CSNK1A1: variants seen among roughly 807,000 people sequenced by gnomAD.
The protein encoded by CSNK1A1 is casein kinase I isoform alpha.
A neutral mutation model predicts 46.1 loss-of-function variants in CSNK1A1; 7 were observed. The ratio of observed to expected loss-of-function variants is 0.15; its 90% CI spans 0.09 to 0.29. The LOEUF (loss-of-function observed/expected upper bound fraction) is 0.29. Ranked by LOEUF, CSNK1A1 falls within the 10% of genes least tolerant of loss-of-function variation. The pLI, the probability that CSNK1A1 is intolerant of heterozygous loss-of-function variation, is 1.00. For synonymous variants in CSNK1A1, 137 were observed against 141.5 expected, an observed-to-expected ratio of 0.97 and a Z score of 0.23; for missense variants, 96 against 417.1, an observed-to-expected ratio of 0.23 and a Z score of 6.71.
chr5:149,498,864 T>C lies in CSNK1A1; in HGVS notation c.1007-2004A>G, dbSNP rs567212438. 7 of 985,420 alleles carry C rather than the reference T, an allele frequency of 7.1e-6. No individual in the cohort carries two copies. In the Admixed American group the frequency reaches 1.8e-4, roughly 26 times the overall value. 61.0% of individuals were successfully genotyped at this position (985,420 alleles called of 1,614,324 possible). ...TACAAGGAAACTCTTGTGCCTTTAA[T>C]AGCAAGAAAACTTCAGAATGTATCT... On this transcript the variant is annotated intron_variant, in intron 9 of 9. Coordinates refer to ENST00000377843, the MANE Select transcript of CSNK1A1 (RefSeq NM_001892.6).
chr5:149,503,963 G>A (rs1760952005), intron 9 of CSNK1A1: 2 of 985,260 alleles, frequency 2.0e-6, no homozygotes, highest in Non-Finnish European at 2.4e-6. Flanking sequence ...TAGGTTGTCA[G>A]GTGTAACAAG....
intron 4 of CSNK1A1, among the ~76,000 whole-genome samples, chr5:149,513,673 G>A (rs1761306112): frequency 6.6e-6 from 1 of 152,146 alleles, no homozygotes; most frequent in African/African-American, 2.4e-5. Flanking sequence ...GCTGAGGCAG[G>A]CGGATAACTT....
rs1761709745 is a variant in CSNK1A1, at chr5:149,525,748, T to G, written c.231-577A>C. On this transcript the variant is annotated intron_variant, in intron 2 of 9. Coordinates refer to ENST00000377843, the MANE Select transcript of CSNK1A1 (RefSeq NM_001892.6). This position sits in a 1 kb window ranked among gnomAD's most constrained non-coding sequence, Gnocchi z 4.2. ...TTTAACTGGAATCATGTTTTAATTA[T>G]CCTGGGCTGTATTACTGTATACAAT... 6.6e-6 allele frequency among the ~76,000 whole-genome samples: 1 copy of G among 152,240 alleles called. No homozygotes were observed. The highest frequency in any genetic ancestry group is 1.5e-5 in the Non-Finnish European group (1 of 68,040).
At chr5:149,501,808 C>T in intron 9 of CSNK1A1, 1 of 978,738 alleles carries the variant, frequency 1.0e-6, no homozygotes, top group Non-Finnish European at 1.2e-6. Context: ...TTTTCCTTTA[C>T]TTATTTTTAA....
intron 2 of CSNK1A1, among the ~76,000 whole-genome samples, chr5:149,542,593 TA>T (rs1265560663): frequency 0.1 from 192 of 1,916 alleles, 28 homozygotes; most frequent in South Asian, 0.26. Context: ...GATACAAATT[TA>T]TATATATATA....
chr5:149,497,286 G>C, intron 9 of CSNK1A1: 1 of 990,686 alleles, frequency 1.0e-6, no homozygotes, highest in Non-Finnish European at 1.2e-6. Flanking sequence ...AATTAAAACG[G>C]TTAGCTTTAA....
chr5:149,504,006 T>C (rs1760952820), intron 9 of CSNK1A1: 2 of 985,348 alleles, frequency 2.0e-6, no homozygotes, highest in Non-Finnish European at 1.2e-6. Flanking sequence ...TGGTCTTACC[T>C]AAAATGGTAG....
intron 2 of CSNK1A1, among the ~76,000 whole-genome samples, chr5:149,539,102 G>A (rs1272536324): frequency 6.6e-6 from 1 of 152,244 alleles, no homozygotes; most frequent in African/African-American, 2.4e-5. Context: ...CATGTGAAGA[G>A]GTAAATGGTT....
intron 3 of CSNK1A1, among the ~76,000 whole-genome samples, chr5:149,522,492 C>T (rs1761603464): frequency 6.6e-6 from 1 of 152,220 alleles, no homozygotes; most frequent in South Asian, 2.1e-4. Flanking sequence ...CATTATCTTT[C>T]TGTCCATATG....
chr5:149,501,443 C>G (rs2113053388), intron 9 of CSNK1A1: 1 of 985,408 alleles, frequency 1.0e-6, no homozygotes. Flanking sequence ...AATTGGTGAA[C>G]TCAGAAAAAG....
At chr5:149,502,382 C>T (rs933403889) in intron 9 of CSNK1A1, 36 of 898,694 alleles carry the variant, frequency 4.0e-5, no homozygotes, top group South Asian at 5.1e-5. Context: ...CATCTGTTGC[C>T]CAGGCTGGAG....
At chr5:149,536,201 C>T (rs1361114724) in intron 2 of CSNK1A1, among the ~76,000 whole-genome samples, 2 of 152,172 alleles carry the variant, frequency 1.3e-5, no homozygotes, top group Non-Finnish European at 2.9e-5. Context: ...GATTCGCCCA[C>T]CTCGGCCTCC....
intron 4 of CSNK1A1, among the ~76,000 whole-genome samples, chr5:149,513,899 TAA>T (rs34713303): frequency 1.4e-5 from 2 of 142,150 alleles, no homozygotes; most frequent in African/African-American, 2.6e-5. Flanking sequence ...AACTCTTTCT[TAA>T]AAAAAAAAAA....
chr5:149,495,713 T>C lies in CSNK1A1; in HGVS notation c.*1140A>G, dbSNP rs1038784991. The C allele has an allele frequency of 2.7e-5, 4 of 149,574 alleles. No homozygotes were observed. Among genetic ancestry groups the C allele is most frequent in the African/African-American group, 5.0e-5 (2 of 40,356 alleles). The allele number at this position is 149,574 out of a possible 1,614,324, so 9.3% of individuals were successfully genotyped here. On this transcript the variant is annotated 3_prime_UTR_variant, in exon 10 of 10. Coordinates refer to ENST00000377843, the MANE Select transcript of CSNK1A1 (RefSeq NM_001892.6). Reference sequence around the variant, plus strand: ...CAGCTACAATACCAAGTTCTGGCAGTTGCAGTACTAGATATTGTGCCTGCA... The same window carrying C: ...CAGCTACAATACCAAGTTCTGGCAGCTGCAGTACTAGATATTGTGCCTGCA...
rs779226707 is a variant in CSNK1A1 at position 149,550,988 on chromosome 5, G to T, written c.-24C>A. 1 of 1,613,318 alleles carries T rather than the reference G, an allele frequency of 6.2e-7. No homozygotes were observed. The highest frequency in any genetic ancestry group is 1.7e-5 in the Admixed American group (1 of 60,018). ...ATCCTGAGAGACGAAGATGGAGGCT[G>T]GGGCCAAGCCCCGACACCTCTGGGA... is the stretch of plus-strand genomic sequence containing the variant. On this transcript the variant is annotated 5_prime_UTR_variant, in exon 1 of 10. Transcript: ENST00000377843. The surrounding 1 kb of genome is among the most constrained non-coding windows in gnomAD (Gnocchi z 4.3).
At chr5:149,509,049 C>T (rs574966314) in intron 7 of CSNK1A1, among the ~76,000 whole-genome samples, 27 of 152,136 alleles carry the variant, frequency 1.8e-4, no homozygotes, top group African/African-American at 6.5e-4. Flanking sequence ...CCAGCATCCC[C>T]AAGAAGCTGA....
chr5:149,520,390 T>C lies in CSNK1A1; in HGVS notation c.358-2A>G. The stretch of plus-strand genomic sequence containing the variant: ...CACATATTCAATTCTACTGATCATC[T>C]GGAAAAAAAAGAAGGGAGAGATAAT... On this transcript the variant is annotated splice_acceptor_variant, in intron 3 of 9. Transcript: ENST00000377843. LOFTEE classifies it high-confidence loss of function. 1 of 1,552,322 alleles carries C rather than the reference T, an allele frequency of 6.4e-7. No homozygotes were observed. The highest frequency in any genetic ancestry group is 2.2e-5 in the East Asian group (1 of 44,450).
intron 3 of CSNK1A1, among the ~76,000 whole-genome samples, chr5:149,524,831 A>G (rs1053079680): frequency 6.6e-6 from 1 of 152,210 alleles, no homozygotes; most frequent in Non-Finnish European, 1.5e-5. Flanking sequence ...CAGATTGAAA[A>G]CTACTAGTCT....
chr5:149,500,270 T>C (rs556291759), intron 9 of CSNK1A1, among the ~76,000 whole-genome samples: 28 of 152,006 alleles, frequency 1.8e-4, no homozygotes, highest in African/African-American at 6.5e-4. Context: ...CCCAAGTAGC[T>C]GGGACTATAG....
Sources: allele counts gnomAD v4.1 joint callset (sites outside exome capture counted in the v4.1 genomes callset), GRCh38; gene constraint gnomAD v4.1.1; non-coding constraint Gnocchi (gnomAD v3.1); transcripts MANE v1.5; gene names NCBI Gene and HGNC (gene_info 2026-07-23, HGNC 2026-07-21).